Variants in TBC1D22A observed in about 807,000 individuals in gnomAD.
TBC1D22A encodes the protein TBC1 domain family member 22A.
In TBC1D22A, 38 loss-of-function variants were observed where a neutral mutation model predicts 60.2. That is an observed-to-expected ratio of 0.63 (90% CI 0.49 to 0.83). TBC1D22A has a LOEUF of 0.83. TBC1D22A is among the 40% of genes least tolerant of loss of function. The probability of loss-of-function intolerance (pLI) is 0.00; values close to 1 mark genes in which losing one functional copy is unlikely to be tolerated. For missense variants in TBC1D22A, 628 were observed against 701.0 expected (o/e 0.90, Z 1.18); for synonymous variants, 302 against 281.7 (o/e 1.07, Z -0.72).
chr22:46,882,845 C>G (rs60402859), intron 5 of TBC1D22A, among the ~76,000 whole-genome samples: 1,867 of 152,296 alleles, frequency 0.012, 38 homozygotes, highest in African/African-American at 0.041. Flanking sequence ...AACATCATGA[C>G]TCTTTTTCAT....
chr22:47,089,425 T>C (rs1211172843), intron 11 of TBC1D22A, among the ~76,000 whole-genome samples: 2 of 152,240 alleles, frequency 1.3e-5, no homozygotes, highest in African/African-American at 4.8e-5. Context: ...AGGGCTGTCT[T>C]TCTACTATGC....
At chr22:46,927,585 G>C (rs2071120819) in intron 8 of TBC1D22A, among the ~76,000 whole-genome samples, 1 of 152,134 alleles carries the variant, frequency 6.6e-6, no homozygotes, top group South Asian at 2.1e-4. Flanking sequence ...ACTGGTTCTA[G>C]CTAAGGCAGT....
chr22:47,046,379 T>C (rs999942923), intron 11 of TBC1D22A, among the ~76,000 whole-genome samples: 1 of 152,138 alleles, frequency 6.6e-6, no homozygotes, highest in Non-Finnish European at 1.5e-5. Flanking sequence ...TGTGGGTCCC[T>C]GGCAGTCTAG....
rs146216738 is a variant in TBC1D22A at position 46,854,319 on chromosome 22, G to A, written c.638-24334G>A. ...GCTCTCCAGGATGACAAATTGTCAC[G>A]TGGAAACCAGTGCACGGCGCAGACA... is the stretch of plus-strand genomic sequence containing the variant. On this transcript the variant is annotated intron_variant, in intron 4 of 12. Coordinates refer to ENST00000337137, the MANE Select transcript of TBC1D22A (RefSeq NM_014346.5). Among the ~76,000 whole-genome samples the A allele has an allele frequency of 6.0e-4, 92 of 152,228 alleles. 1 individual carries two copies. Among genetic ancestry groups the A allele is most frequent in the African/African-American group, 2.1e-3 (87 of 41,538 alleles).
At chr22:47,083,233 A>G (rs545189434) in intron 11 of TBC1D22A, among the ~76,000 whole-genome samples, 21 of 80 alleles carry the variant, frequency 0.26, no homozygotes, top group African/African-American at 0.4. Flanking sequence ...TTCCACTGGT[A>G]TATTCAATTG....
chr22:47,098,064 AAAAAAAAAGAAAAAG>A (rs1569443869), intron 11 of TBC1D22A, among the ~76,000 whole-genome samples: 1 of 151,682 alleles, frequency 6.6e-6, no homozygotes, highest in Non-Finnish European at 1.5e-5. Flanking sequence ...GTAGTAAAGA[AAAAAAAAAGAAAAAG>A]AAAAAAAATC....
chr22:47,170,375 GTATT>G (rs2068384911), intron 12 of TBC1D22A, among the ~76,000 whole-genome samples: 1 of 152,100 alleles, frequency 6.6e-6, no homozygotes, highest in Non-Finnish European at 1.5e-5. Flanking sequence ...AAAACCAAAG[GTATT>G]TATTTATGAC....
chr22:46,773,190 C>G (rs969687206), intron 1 of TBC1D22A, among the ~76,000 whole-genome samples: 2 of 152,218 alleles, frequency 1.3e-5, no homozygotes, highest in Non-Finnish European at 2.9e-5. Flanking sequence ...CCGTGGAGAT[C>G]TGCATCGTGC....
chr22:47,068,337 T>C (rs2063849367), intron 11 of TBC1D22A, among the ~76,000 whole-genome samples: 1 of 152,230 alleles, frequency 6.6e-6, no homozygotes. Flanking sequence ...GGAGAGCCAG[T>C]GTTACCAAAG....
At chr22:46,839,169 A>G (rs1602092688) in intron 4 of TBC1D22A, among the ~76,000 whole-genome samples, 1 of 152,260 alleles carries the variant, frequency 6.6e-6, no homozygotes, top group Non-Finnish European at 1.5e-5. Context: ...AAAAATCAAC[A>G]TGCAAAGATC....
intron 12 of TBC1D22A, among the ~76,000 whole-genome samples, chr22:47,172,056 C>CTGTGTG (rs2068497642): frequency 2.0e-5 from 3 of 148,088 alleles, no homozygotes; most frequent in Non-Finnish European, 3.0e-5. Flanking sequence ...TCCCAGTGAG[C>CTGTGTG]CTACCCAGCA....
At chr22:47,159,245 A>G (rs1475917607) in intron 12 of TBC1D22A, among the ~76,000 whole-genome samples, 7 of 149,968 alleles carry the variant, frequency 4.7e-5, no homozygotes, top group African/African-American at 1.7e-4. Context: ...CACAAAATAT[A>G]CCATGTATGC....
intron 12 of TBC1D22A, among the ~76,000 whole-genome samples, chr22:47,154,530 C>T (rs1401043596): frequency 1.3e-5 from 2 of 152,178 alleles, no homozygotes; most frequent in East Asian, 1.9e-4. Flanking sequence ...CACTGTCCAT[C>T]CCAGCCCCAA....
At chr22:47,142,015 C>T (rs2067103665) in intron 12 of TBC1D22A, among the ~76,000 whole-genome samples, 1 of 152,152 alleles carries the variant, frequency 6.6e-6, no homozygotes, top group Non-Finnish European at 1.5e-5. Flanking sequence ...GTGTGCTGGG[C>T]CCACTAGTAG....
chr22:46,993,401 C>CT (rs1022972290), intron 9 of TBC1D22A, among the ~76,000 whole-genome samples: 2 of 152,088 alleles, frequency 1.3e-5, no homozygotes, highest in Admixed American at 1.3e-4. Context: ...AAATTATATC[C>CT]TTTTTTAAAG....
intron 4 of TBC1D22A, among the ~76,000 whole-genome samples, chr22:46,805,196 C>T (rs2085075239): frequency 6.6e-6 from 1 of 152,214 alleles, no homozygotes. Context: ...ACATGCATGG[C>T]ACATTCTCAG....
chr22:46,970,729 G>C (rs1236290635), intron 8 of TBC1D22A, among the ~76,000 whole-genome samples: 1 of 152,144 alleles, frequency 6.6e-6, no homozygotes, highest in African/African-American at 2.4e-5. Flanking sequence ...TCCGAGTCTT[G>C]ATTCAGAGAC....
intron 3 of TBC1D22A, among the ~76,000 whole-genome samples, chr22:46,795,778 C>T (rs1017037471): frequency 1.3e-4 from 20 of 152,314 alleles, no homozygotes; most frequent in African/African-American, 4.1e-4. Flanking sequence ...CAGGAGTGAG[C>T]GGCCCCTTAC....
intron 11 of TBC1D22A, among the ~76,000 whole-genome samples, chr22:47,063,372 T>C (rs373156975): frequency 6.6e-5 from 10 of 151,760 alleles, no homozygotes; most frequent in African/African-American, 1.9e-4. Flanking sequence ...TTTGGGGAGA[T>C]GGAAGTTAGG....
Sources: allele counts gnomAD v4.1 joint callset (sites outside exome capture counted in the v4.1 genomes callset), GRCh38; gene constraint gnomAD v4.1.1; transcripts MANE v1.5; gene names NCBI Gene and HGNC (gene_info 2026-07-23, HGNC 2026-07-21).